Variants in CDKL3 observed in about 807,000 individuals in gnomAD.
CDKL3 encodes cyclin dependent kinase like 3.
Under a neutral mutation model 69.3 loss-of-function variants are expected in CDKL3, and 65 were observed. The observed-to-expected ratio is 0.94, with a 90% CI of 0.77 to 1.15. The LOEUF is 1.15. Among genes scored for constraint, CDKL3 ranks in the 50% most tolerant of loss-of-function variants. The probability of loss-of-function intolerance (pLI) is 0.00; values close to 1 mark genes in which losing one functional copy is unlikely to be tolerated. For missense variants in CDKL3, 652 were observed against 689.2 expected (o/e 0.95, Z 0.61); for synonymous variants, 202 against 221.6 (o/e 0.91, Z 0.79).
chr5:134,305,569 C>T (rs1767593696), intron 10 of CDKL3, among the ~76,000 whole-genome samples: 1 of 152,114 alleles, frequency 6.6e-6, no homozygotes, highest in Non-Finnish European at 1.5e-5. Flanking sequence ...AAATGTATTG[C>T]ACATCCAGCA....
At chr5:134,296,813 ACACG>A (rs1184662706), downstream of CDKL3, among the ~76,000 whole-genome samples, 21 of 151,324 alleles carry the variant, frequency 1.4e-4, no homozygotes, top group African/African-American at 4.6e-4. Flanking sequence ...ACACACACAC[ACACG>A]CACGCACACA....
chr5:134,306,562 G>T, intron 10 of CDKL3, 47 bp downstream of exon 10: 1 of 1,074,132 alleles, frequency 9.3e-7, no homozygotes, highest in Non-Finnish European at 1.4e-6. Context: ...GAAAAAAGAA[G>T]TAATGTTAAA....
At chr5:134,343,475 C>T (rs1325833580) in intron 4 of CDKL3, among the ~76,000 whole-genome samples, 1 of 152,146 alleles carries the variant, frequency 6.6e-6, no homozygotes, top group Non-Finnish European at 1.5e-5. Context: ...CAACCCTTTC[C>T]CAAAGCAGAC....
chr5:134,315,965 T>A (rs1407911506), intron 6 of CDKL3, among the ~76,000 whole-genome samples: 2 of 152,028 alleles, frequency 1.3e-5, no homozygotes, highest in Non-Finnish European at 1.5e-5. Flanking sequence ...ATATATATAT[T>A]TTTTAAGACA....
At chr5:134,355,822 C>G (rs2149625427) in intron 3 of CDKL3, among the ~76,000 whole-genome samples, 1 of 152,310 alleles carries the variant, frequency 6.6e-6, no homozygotes, top group South Asian at 2.1e-4. Context: ...CCATACTAAG[C>G]TGCTGTGGAG....
At chr5:134,317,068 T>C (rs1429208933) in intron 6 of CDKL3, among the ~76,000 whole-genome samples, 1 of 152,158 alleles carries the variant, frequency 6.6e-6, no homozygotes, top group Admixed American at 6.6e-5. Context: ...AAAATAAAAA[T>C]AAATAAATAA....
downstream of CDKL3, among the ~76,000 whole-genome samples, chr5:134,293,491 C>A (rs1580755305): frequency 1.3e-5 from 2 of 151,814 alleles, no homozygotes; most frequent in African/African-American, 4.8e-5. Flanking sequence ...AAAAATGAAC[C>A]AAAATCCTTC....
chr5:134,332,559 C>T (rs1255299065), intron 4 of CDKL3, among the ~76,000 whole-genome samples: 1 of 152,096 alleles, frequency 6.6e-6, no homozygotes, highest in Non-Finnish European at 1.5e-5. Flanking sequence ...GAATTCTTTC[C>T]CCATTCCTTG....
chr5:134,298,654 C>T lies in CDKL3; in HGVS notation c.1776G>A (p.Trp592Ter). Residue 592 changes from tryptophan to a stop codon, truncating the protein, a stop_gained, in exon 13 of 13, where the codon TGG becomes TGA. Coordinates refer to ENST00000265334, the MANE Select transcript of CDKL3 (RefSeq NM_001113575.2). LOFTEE classifies it high-confidence loss of function. ...GGACTATGTAAAAGAAAAGACACTA[C>T]CAGAAAAAAAACCTGTTTCTCTTCA... ...KNLKRNRFFF[W>*] 1 of 1,612,292 alleles carries T rather than the reference C, an allele frequency of 6.2e-7. No homozygotes were observed.
chr5:134,301,583 T>A (rs1037825779), intron 12 of CDKL3, among the ~76,000 whole-genome samples: 5 of 152,040 alleles, frequency 3.3e-5, no homozygotes, highest in Admixed American at 1.3e-4. Flanking sequence ...TTTTATTTTT[T>A]AAAAAAACAG....
chr5:134,309,652 G>A (rs374935078), intron 7 of CDKL3, among the ~76,000 whole-genome samples: 2 of 152,142 alleles, frequency 1.3e-5, no homozygotes, highest in East Asian at 3.8e-4. Flanking sequence ...GTTTGGGAAG[G>A]TTTTAAAACA....
At chr5:134,344,736 C>T (rs1751389977) in intron 4 of CDKL3, among the ~76,000 whole-genome samples, 1 of 152,082 alleles carries the variant, frequency 6.6e-6, no homozygotes, top group African/African-American at 2.4e-5. Context: ...TCAGCCTAGT[C>T]AAAATAGCGA....
chr5:134,283,527 C>A (rs1346869447), downstream of CDKL3, among the ~76,000 whole-genome samples: 2 of 148,790 alleles, frequency 1.3e-5, no homozygotes, highest in Non-Finnish European at 1.5e-5. Flanking sequence ...CTTATTATCA[C>A]AAGAACAGCA....
At chr5:134,301,612 C>T (rs1027010305) in intron 12 of CDKL3, among the ~76,000 whole-genome samples, 1 of 151,902 alleles carries the variant, frequency 6.6e-6, no homozygotes, top group African/African-American at 2.4e-5. Flanking sequence ...CCAGATGCGG[C>T]GGCTCACACC....
intron 3 of CDKL3, 118 bp downstream of exon 3, chr5:134,359,779 G>A: frequency 2.7e-6 from 2 of 734,766 alleles, no homozygotes; most frequent in Non-Finnish European, 4.3e-6. Context: ...TTTTCAGGAT[G>A]TCTATTATTA....
rs1041290020 is a variant in CDKL3, at chr5:134,354,804, G to A, written c.361-4377C>T. 2.4e-4 allele frequency among the ~76,000 whole-genome samples: 37 copies of A among 152,124 alleles called. No homozygotes were observed. In the East Asian group the frequency reaches 5.8e-3, roughly 24 times the overall value. ...TCTACTAAAAATACAAAAATTAGCC[G>A]GACATGGTGGCATGTGCCTATAGTC... is the stretch of plus-strand genomic sequence containing the variant. On this transcript the variant is annotated intron_variant, in intron 3 of 12. Coordinates refer to ENST00000265334, the MANE Select transcript of CDKL3 (RefSeq NM_001113575.2).
intron 4 of CDKL3, among the ~76,000 whole-genome samples, chr5:134,339,688 G>A (rs1340217094): frequency 2.6e-5 from 4 of 152,010 alleles, no homozygotes; most frequent in Admixed American, 1.3e-4. Context: ...ATAAACCTCA[G>A]TAAATTTAAA....
At chr5:134,292,181 T>G (rs1765150542) in intron 8 of CDKL3, among the ~76,000 whole-genome samples, 1 of 152,218 alleles carries the variant, frequency 6.6e-6, no homozygotes, top group Admixed American at 6.5e-5. Flanking sequence ...TACATTCTTC[T>G]CAAGCACAAA....
At chr5:134,354,416 C>T (rs1754063690) in intron 3 of CDKL3, among the ~76,000 whole-genome samples, 1 of 152,226 alleles carries the variant, frequency 6.6e-6, no homozygotes, top group South Asian at 2.1e-4. Context: ...ATACAACTTA[C>T]TACCATAAAT....
Sources: gnomAD v4.1 joint callset for allele counts (sites outside exome capture counted in the v4.1 genomes callset) on GRCh38, gnomAD v4.1.1 for gene constraint, MANE v1.5 for transcripts, NCBI Gene and HGNC (gene_info 2026-07-23, HGNC 2026-07-21) for gene names.